The following ZC3HAV1 variants were observed in gnomAD, a reference collection of about 807,000 sequenced individuals.
ZC3HAV1 encodes the protein zinc finger CCCH-type antiviral protein 1.
A neutral mutation model predicts 86.6 loss-of-function variants in ZC3HAV1; 41 were observed. The ratio of observed to expected loss-of-function variants is 0.47; its 90% confidence interval spans 0.37 to 0.61. The LOEUF is 0.61. Among genes scored for constraint, ZC3HAV1 ranks in the 20% least tolerant of loss-of-function variants. The pLI is 0.00. For synonymous variants in ZC3HAV1, 421 were observed against 432.1 expected (o/e 0.97, Z 0.32); for missense variants, 964 against 1,141.1 (o/e 0.84, Z 2.24).
At chr7:139,084,787 T>G (rs1817229372) in intron 2 of ZC3HAV1, among the ~76,000 whole-genome samples, 1 of 152,226 alleles carries the variant, frequency 6.6e-6, no homozygotes, top group Non-Finnish European at 1.5e-5. Flanking sequence ...AAATATAAAG[T>G]GTGATGCACG....
intron 12 of ZC3HAV1, among the ~76,000 whole-genome samples, chr7:139,049,144 C>CGTTGTT: frequency 1.2e-5 from 1 of 86,448 alleles, no homozygotes; most frequent in South Asian, 4.3e-4. Flanking sequence ...TTTTTTTTTT[C>CGTTGTT]GTTGTTGTTG....
At position 139,109,603 on chromosome 7, in the gene ZC3HAV1, C is replaced by T; in HGVS notation, c.-272G>A. 2.6e-6 allele frequency: 1 copy of T among 390,754 alleles called. No individual in the cohort carries two copies. Among genetic ancestry groups the T allele is most frequent in the Non-Finnish European group, 4.6e-6 (1 of 218,662 alleles). 24.2% of individuals were successfully genotyped at this position (390,754 alleles called of 1,614,324 possible). On this transcript the variant is annotated 5_prime_UTR_variant, in exon 1 of 13. Coordinates refer to ENST00000242351, the MANE Select transcript of ZC3HAV1 (RefSeq NM_020119.4). The stretch of plus-strand genomic sequence containing the variant: ...ACTGGGTGGAAAGAAAGAGAACGCG[C>T]GGGCAAATCTGCTGGTGACCGCCTG...
intron 12 of ZC3HAV1, among the ~76,000 whole-genome samples, chr7:139,053,013 C>T (rs941506813): frequency 1.3e-5 from 2 of 152,022 alleles, no homozygotes; most frequent in Non-Finnish European, 2.9e-5. Flanking sequence ...CACTTCAGAC[C>T]GAGGTGACCC....
intron 1 of ZC3HAV1, among the ~76,000 whole-genome samples, chr7:139,100,394 A>C (rs1052925259): frequency 1.3e-5 from 2 of 151,364 alleles, no homozygotes; most frequent in Non-Finnish European, 2.9e-5. Context: ...AAAATTAGCC[A>C]GGGGTGGTGG....
At chr7:139,070,868 G>C (rs1816754402) in intron 7 of ZC3HAV1, among the ~76,000 whole-genome samples, 1 of 151,846 alleles carries the variant, frequency 6.6e-6, no homozygotes, top group Non-Finnish European at 1.5e-5. Context: ...TGTAATCCCA[G>C]CTACTGGGGA....
rs765288792 is a variant in ZC3HAV1 at position 139,057,532 on chromosome 7, A to ATTT, written c.2097-2240_2097-2238dup. Among the ~76,000 whole-genome samples the ATTT allele has an allele frequency of 1.7e-3, 97 of 56,890 alleles. 2 individuals are homozygous for ATTT. The highest frequency in any genetic ancestry group is 2.6e-3 in the Non-Finnish European group (82 of 31,504). The allele number at this position is 56,890 out of a possible 152,430, so 37.3% of individuals were successfully genotyped here. A position where few individuals can be genotyped will look rare whatever the true frequency, so the allele number is the denominator to read the frequency against. ...AATTTTCCATGATCAAAACAATTACATTTTTTTTTTTTTTTTTTTTTTTTG... is the reference window on the plus strand; with the variant it reads ...AATTTTCCATGATCAAAACAATTACATTTTTTTTTTTTTTTTTTTTTTTTTTTG... On this transcript the variant is annotated intron_variant, in intron 9 of 12. Transcript: ENST00000242351.
chr7:139,089,448 A>G (rs1817368594), intron 2 of ZC3HAV1, among the ~76,000 whole-genome samples, 176 bp downstream of exon 2: 1 of 152,048 alleles, frequency 6.6e-6, no homozygotes, highest in Non-Finnish European at 1.5e-5. Context: ...TTCTTATAAA[A>G]CCTCAAATAG....
chr7:139,076,130 G>A (rs531055868), intron 6 of ZC3HAV1, among the ~76,000 whole-genome samples, 156 bp downstream of exon 6: 6 of 152,270 alleles, frequency 3.9e-5, no homozygotes, highest in South Asian at 4.1e-4. Flanking sequence ...TCATTAACTC[G>A]GCAGGCATTT....
In ZC3HAV1 at chr7:139,080,232, G is replaced by A. The variant is rs771555470; in HGVS notation, c.709C>T (p.His237Tyr). ...GCCCTATATGCCATGTTTCTACGATGTGAAGAAGGAGCTAAGGGGAAAAAA... is the reference window on the plus strand; with the variant it reads ...GCCCTATATGCCATGTTTCTACGATATGAAGAAGGAGCTAAGGGGAAAAAA... ...NPPGPRAPSS[H>Y]RRNMAYRARS... The change falls in exon 4 of 13, where the codon CAT becomes TAT. Residue 237 changes from histidine (H) to tyrosine (Y), a missense_variant. Physicochemically the swap from His to Tyr is moderately conservative, Grantham distance 83. Coordinates refer to ENST00000242351, the MANE Select transcript of ZC3HAV1 (RefSeq NM_020119.4). 1 of 1,613,938 alleles carries A rather than the reference G, an allele frequency of 6.2e-7. No homozygotes were observed. The highest frequency in any genetic ancestry group is 8.5e-7 in the Non-Finnish European group (1 of 1,180,038).
At chr7:139,076,188 T>G in intron 6 of ZC3HAV1, 98 bp downstream of exon 6, 1 of 1,542,280 alleles carries the variant, frequency 6.5e-7, no homozygotes. Context: ...GGGATTCTGA[T>G]GGAAAAGTGT....
Position 139,047,771 on chromosome 7 carries a change from T to G in ZC3HAV1, c.2532A>C (p.Gln844His), listed in dbSNP as rs781727992. The change falls in exon 13 of 13, where the codon CAA becomes CAC. Residue 844 changes from glutamine (Q) to histidine (H), a missense_variant. Gln to His is a conservative substitution (Grantham distance 24). Coordinates refer to ENST00000242351, the MANE Select transcript of ZC3HAV1 (RefSeq NM_020119.4). ...DAKNVVMFVA[Q>H]VLVGKFTEGN... ...CTTCAGTAAACTTTCCAACCAGAACTTGGGCTACAAACATAACGACGTTTT... is the reference window on the plus strand; with the variant it reads ...CTTCAGTAAACTTTCCAACCAGAACGTGGGCTACAAACATAACGACGTTTT... 3 of 1,614,160 alleles carry G rather than the reference T, an allele frequency of 1.9e-6. No homozygotes were observed. Among genetic ancestry groups the G allele is most frequent in the Admixed American group, 3.3e-5 (2 of 60,014 alleles).
At chr7:139,058,331 A>G (rs749833712) in intron 9 of ZC3HAV1, among the ~76,000 whole-genome samples, 1 of 151,654 alleles carries the variant, frequency 6.6e-6, no homozygotes, top group Non-Finnish European at 1.5e-5. Flanking sequence ...GTGTGCACCC[A>G]TAGTCCTAGT....
At position 139,044,719 on chromosome 7, in the gene ZC3HAV1, T is replaced by G. The variant is rs1233449707; in HGVS notation, c.*2875A>C. 6.6e-6 allele frequency: 1 copy of G among 152,618 alleles called. No homozygotes were observed. The highest frequency in any genetic ancestry group is 2.4e-5 in the African/African-American group (1 of 41,422). The allele number at this position is 152,618 out of a possible 1,614,324, so 9.5% of individuals were successfully genotyped here. ...CAATACATTGGACAGTTCCTCACAA[T>G]AAGAAATTACTCTGCACCCTATACG... On this transcript the variant is annotated 3_prime_UTR_variant, in exon 13 of 13. Transcript: ENST00000242351.
chr7:139,098,183 G>T (rs551954905), intron 1 of ZC3HAV1, among the ~76,000 whole-genome samples: 6 of 152,066 alleles, frequency 3.9e-5, no homozygotes, highest in African/African-American at 1.2e-4. Context: ...CAAGTGAGCC[G>T]CCTGCCTTGG....
chr7:139,088,413 C>T (rs1483162623), intron 2 of ZC3HAV1, among the ~76,000 whole-genome samples: 1 of 152,138 alleles, frequency 6.6e-6, no homozygotes, highest in East Asian at 1.9e-4. Context: ...AGCAGATGTG[C>T]CATATACAAT....
chr7:139,073,852 T>C lies in ZC3HAV1; in HGVS notation c.1872+4A>G, dbSNP rs1816852638. ...AGCCCCCTACAAGGAGGAACAGTGC[T>C]CACCTCTTCTCCATACTGAATCCAT... is the stretch of plus-strand genomic sequence containing the variant. On this transcript the variant is annotated splice_donor_region_variant and intron_variant, in intron 7 of 12. Transcript: ENST00000242351. 3.1e-6 allele frequency: 5 copies of C among 1,608,814 alleles called. No individual in the cohort carries two copies. The highest frequency in any genetic ancestry group is 2.7e-5 in the African/African-American group (2 of 74,716).
At chr7:139,092,365 G>A (rs1387863389) in intron 1 of ZC3HAV1, among the ~76,000 whole-genome samples, 1 of 152,186 alleles carries the variant, frequency 6.6e-6, no homozygotes, top group Non-Finnish European at 1.5e-5. Context: ...ACAAGGCTAG[G>A]TGATTAAAGG....
chr7:139,070,088 G>C (rs1816724251), intron 7 of ZC3HAV1, among the ~76,000 whole-genome samples: 1 of 139,320 alleles, frequency 7.2e-6, no homozygotes, highest in Non-Finnish European at 1.5e-5. Flanking sequence ...CCCAGGGCCT[G>C]ATTTTTCCTT....
rs763041405 is a variant in ZC3HAV1 at position 139,053,581 on chromosome 7, C to T, written c.2319G>A (p.Trp773Ter). The part of the protein sequence containing the change: ...ENSELLDKFT[W>*]KKSQMKEEGK... The stretch of plus-strand genomic sequence containing the variant: ...CTTCTTCCTTCATCTGCGATTTCTT[C>T]CTAATATAAGAGATGTGAGACTTAA... Residue 773 changes from tryptophan (W) to a stop codon, truncating the protein, a stop_gained and splice_region_variant, in exon 12 of 13, where the codon TGG (tryptophan) becomes TGA (stop). Coordinates refer to ENST00000242351, the MANE Select transcript of ZC3HAV1 (RefSeq NM_020119.4). LOFTEE classifies it high-confidence loss of function. 2 of 1,593,572 alleles carry T rather than the reference C, an allele frequency of 1.3e-6. No individual in the cohort carries two copies. Among genetic ancestry groups the T allele is most frequent in the Admixed American group, 3.6e-5 (2 of 55,568 alleles).
Sources: allele counts gnomAD v4.1 joint callset (sites outside exome capture counted in the v4.1 genomes callset), GRCh38; gene constraint gnomAD v4.1.1; transcripts MANE v1.5; gene names NCBI Gene and HGNC (gene_info 2026-07-23, HGNC 2026-07-21).